CAMSAP1: variants seen among roughly 807,000 people sequenced by gnomAD.
CAMSAP1 encodes the protein calmodulin-regulated spectrin-associated protein 1.
A neutral mutation model predicts 143.5 loss-of-function variants in CAMSAP1; 58 were observed. The observed-to-expected ratio is 0.40, with a 90% CI of 0.33 to 0.50. CAMSAP1 has a LOEUF of 0.50. Ranked by LOEUF, CAMSAP1 falls within the 20% of genes least tolerant of loss-of-function variation. CAMSAP1 has a pLI of 0.45. For missense variants in CAMSAP1, 1,969 were observed against 2,115.7 expected (o/e 0.93, Z 1.36); for synonymous variants, 945 against 859.3 (o/e 1.10, Z -1.74).
At position 135,831,344 on chromosome 9, in the gene CAMSAP1, A is replaced by C. The variant is rs552853985; in HGVS notation, c.1046-3760T>G. 2.6e-5 allele frequency among the ~76,000 whole-genome samples: 4 copies of C among 152,178 alleles called. No individual in the cohort carries two copies. In the South Asian group the frequency reaches 8.3e-4, roughly 32 times the overall value. On this transcript the variant is annotated intron_variant, in intron 7 of 16. Coordinates refer to ENST00000389532, the MANE Select transcript of CAMSAP1 (RefSeq NM_015447.4). ...CTTGCATGATGCAGTGTTAACAAGG[A>C]AGTCTGGGGCCAGATGTGGTGGCGC...
intron 1 of CAMSAP1, 56 bp from the exon 2 acceptor site, chr9:135,883,134 A>T: frequency 6.5e-7 from 1 of 1,534,998 alleles, no homozygotes; most frequent in Non-Finnish European, 8.8e-7. Flanking sequence ...CAAAGGAAGG[A>T]GTTCAAGGCT....
chr9:135,861,506 T>C (rs1837191567), intron 5 of CAMSAP1, among the ~76,000 whole-genome samples: 1 of 152,122 alleles, frequency 6.6e-6, no homozygotes, highest in Admixed American at 6.5e-5. Context: ...GGTTTCGCCA[T>C]GTTGGTCAGG....
intron 1 of CAMSAP1, among the ~76,000 whole-genome samples, chr9:135,891,909 C>G (rs1219235285): frequency 6.6e-6 from 1 of 152,136 alleles, no homozygotes; most frequent in Admixed American, 6.5e-5. Flanking sequence ...ATAAAATTCA[C>G]TGGATGCGCT....
At position 135,821,757 on chromosome 9, in the gene CAMSAP1, A is replaced by G. The variant is rs749463423; in HGVS notation, c.2904T>C (p.Leu968=). 12 of 1,613,730 alleles carry G rather than the reference A, an allele frequency of 7.4e-6. No individual in the cohort carries two copies. Among genetic ancestry groups the G allele is most frequent in the Non-Finnish European group, 1.0e-5 (12 of 1,179,794 alleles). Reference sequence around the variant, plus strand: ...CTTTGTCCACATCCTGTGGCTCGTGAAGGAGCTCCTCTCTCTGCTCCTCCT... The same window carrying G: ...CTTTGTCCACATCCTGTGGCTCGTGGAGGAGCTCCTCTCTCTGCTCCTCCT... ...LVKEEQREEL[L]HEPQDVDKES... The change falls in exon 11 of 17, where the codon CTT becomes CTC. Residue 968 remains leucine, a synonymous_variant. Coordinates refer to ENST00000389532, the MANE Select transcript of CAMSAP1 (RefSeq NM_015447.4). The surrounding 1 kb of genome is among the most constrained non-coding windows in gnomAD (Gnocchi z 4.6).
intron 3 of CAMSAP1, among the ~76,000 whole-genome samples, chr9:135,879,891 C>T (rs1837880810): frequency 6.6e-6 from 1 of 151,648 alleles, no homozygotes; most frequent in Non-Finnish European, 1.5e-5. Flanking sequence ...ACTCACTGCA[C>T]AGTACCGTAC....
chr9:135,865,489 G>T, intron 4 of CAMSAP1: 2 of 873,210 alleles, frequency 2.3e-6, no homozygotes, highest in Non-Finnish European at 3.6e-6. Flanking sequence ...CCTCTGGTAA[G>T]CAAAGTCTTC....
chr9:135,838,823 A>G, intron 7 of CAMSAP1, among the ~76,000 whole-genome samples: 1 of 149,876 alleles, frequency 6.7e-6, no homozygotes, highest in Non-Finnish European at 1.5e-5. Flanking sequence ...ACCCCGTTCT[A>G]CAGACACACG....
chr9:135,816,556 G>A (rs547010588), intron 14 of CAMSAP1, among the ~76,000 whole-genome samples: 1 of 152,336 alleles, frequency 6.6e-6, no homozygotes, highest in East Asian at 1.9e-4. Flanking sequence ...GTCGGCTGCT[G>A]CTCTCACAAG....
rs1838823543 is a variant in CAMSAP1, at chr9:135,907,456, C to T, written c.-297G>A. Among the ~76,000 whole-genome samples the T allele has an allele frequency of 6.9e-6, 1 of 145,362 alleles. No homozygotes were observed. Among genetic ancestry groups the T allele is most frequent in the Non-Finnish European group, 1.5e-5 (1 of 65,600 alleles). On this transcript the variant is annotated 5_prime_UTR_variant, in exon 1 of 17. Transcript: ENST00000389532. ...GGCGGGCGCGGGGGCGGGAGCGGGC[C>T]GGGGGCGGTGGCAGCGCGTGCGCGG...
chr9:135,813,490 T>C (rs1269003170), intron 16 of CAMSAP1, among the ~76,000 whole-genome samples: 10 of 152,228 alleles, frequency 6.6e-5, no homozygotes, highest in African/African-American at 2.4e-4. Flanking sequence ...CAGAATTAGA[T>C]GCCAAAAAGA....
intron 8 of CAMSAP1, among the ~76,000 whole-genome samples, chr9:135,827,027 T>C (rs1002826480): frequency 6.6e-6 from 1 of 152,204 alleles, no homozygotes; most frequent in African/African-American, 2.4e-5. Context: ...GACTTCACAA[T>C]ACTTGAAATG....
At chr9:135,904,961 T>A (rs1179112269) in intron 1 of CAMSAP1, among the ~76,000 whole-genome samples, 14 of 145,946 alleles carry the variant, frequency 9.6e-5, no homozygotes, top group African/African-American at 3.6e-4. Context: ...CGAGACTCCG[T>A]CTCAAAAAAA....
At chr9:135,816,028 G>A in intron 14 of CAMSAP1, 23 bp from the exon 15 acceptor site, 1 of 1,608,328 alleles carries the variant, frequency 6.2e-7, no homozygotes, top group Non-Finnish European at 8.5e-7. Context: ...ACAGACAAGA[G>A]ACAGGCAGGT....
intron 5 of CAMSAP1, among the ~76,000 whole-genome samples, chr9:135,853,475 T>C (rs560857053): frequency 6.6e-6 from 1 of 152,354 alleles, no homozygotes; most frequent in East Asian, 1.9e-4. Flanking sequence ...TTAATATCTG[T>C]GAAGACAAAA....
rs1426919339 is a variant in CAMSAP1, at chr9:135,907,374, G to A, written c.-215C>T. 1 of 165,102 alleles carries A rather than the reference G, an allele frequency of 6.1e-6. No individual in the cohort carries two copies. Among genetic ancestry groups the A allele is most frequent in the East Asian group, 1.9e-4 (1 of 5,190 alleles). 10.2% of individuals were successfully genotyped at this position (165,102 alleles called of 1,614,324 possible). A position where few individuals can be genotyped will look rare whatever the true frequency, so the allele number is the denominator to read the frequency against. The stretch of plus-strand genomic sequence containing the variant: ...GCGGGCGCTGAGCCCGAGCGGAGGA[G>A]GTGCCGAGCCCGCGGCCCAAAGAGG... On this transcript the variant is annotated 5_prime_UTR_variant, in exon 1 of 17. Coordinates refer to ENST00000389532, the MANE Select transcript of CAMSAP1 (RefSeq NM_015447.4).
chr9:135,833,612 TAGA>T (rs1835924866), intron 7 of CAMSAP1, among the ~76,000 whole-genome samples: 2 of 152,288 alleles, frequency 1.3e-5, no homozygotes, highest in South Asian at 4.2e-4. Flanking sequence ...TAACCAGATG[TAGA>T]AGAATGAAAC....
intron 3 of CAMSAP1, among the ~76,000 whole-genome samples, chr9:135,878,673 A>G (rs1310418242): frequency 6.6e-6 from 1 of 152,140 alleles, no homozygotes; most frequent in Non-Finnish European, 1.5e-5. Flanking sequence ...CACACCGGAG[A>G]GGGCCTAGGA....
At chr9:135,828,210 T>C (rs1835743872) in intron 7 of CAMSAP1, among the ~76,000 whole-genome samples, 1 of 152,250 alleles carries the variant, frequency 6.6e-6, no homozygotes, top group Non-Finnish European at 1.5e-5. Context: ...ACAGTGACTC[T>C]GTATCTAAGG....
chr9:135,888,258 C>T (rs1838186305), intron 1 of CAMSAP1, among the ~76,000 whole-genome samples: 1 of 152,234 alleles, frequency 6.6e-6, no homozygotes, highest in Non-Finnish European at 1.5e-5. Context: ...AGCTGTTATT[C>T]CTTCCGTCGC....
Sources: gnomAD v4.1 joint callset for allele counts (sites outside exome capture counted in the v4.1 genomes callset) on GRCh38, gnomAD v4.1.1 for gene constraint, Gnocchi (gnomAD v3.1) non-coding constraint, MANE v1.5 for transcripts, NCBI Gene and HGNC (gene_info 2026-07-23, HGNC 2026-07-21) for gene names.